Variants in FHIT observed in about 807,000 individuals in gnomAD.
FHIT encodes the protein bis(5'-adenosyl)-triphosphatase.
Under a neutral mutation model 17.9 loss-of-function variants are expected in FHIT, and 19 were observed. That is an observed-to-expected ratio of 1.06 (90% CI 0.74 to 1.56). The LOEUF (loss-of-function observed/expected upper bound fraction) is 1.56. FHIT is among the 40% of genes most tolerant of loss of function. The pLI is 0.00. For missense variants in FHIT, 248 were observed against 189.2 expected (o/e 1.31, Z -1.82); for synonymous variants, 81 against 69.7 (o/e 1.16, Z -0.81).
chr3:60,212,091 C>T (rs1703477969), intron 5 of FHIT, among the ~76,000 whole-genome samples: 1 of 152,168 alleles, frequency 6.6e-6, no homozygotes, highest in South Asian at 2.1e-4. Context: ...TTCTTTCCTA[C>T]CTACTTGTTT....
chr3:60,842,629 G>GTA (rs1254633115), intron 3 of FHIT, among the ~76,000 whole-genome samples: 80 of 85,038 alleles, frequency 9.4e-4, no homozygotes, highest in Middle Eastern at 7.6e-3. Context: ...ATATATGAGT[G>GTA]TATATATATA....
chr3:59,880,037 A>G (rs1166849134), intron 8 of FHIT, among the ~76,000 whole-genome samples: 2 of 152,184 alleles, frequency 1.3e-5, no homozygotes, highest in African/African-American at 4.8e-5. Flanking sequence ...ACAAGATAGA[A>G]AACTTCTGCA....
chr3:61,048,535 G>A (rs1241186345), intron 2 of FHIT, among the ~76,000 whole-genome samples: 1 of 152,210 alleles, frequency 6.6e-6, no homozygotes, highest in Non-Finnish European at 1.5e-5. Context: ...TGGTGGGACT[G>A]TAAACTAGTG....
At chr3:60,872,659 C>T (rs1704462410) in intron 3 of FHIT, among the ~76,000 whole-genome samples, 1 of 152,014 alleles carries the variant, frequency 6.6e-6, no homozygotes, top group East Asian at 1.9e-4. Context: ...CGGCAATTTT[C>T]CTTTTGAAAA....
At chr3:59,867,975 C>A (rs541574936) in intron 8 of FHIT, among the ~76,000 whole-genome samples, 3 of 142,494 alleles carry the variant, frequency 2.1e-5, no homozygotes, top group Non-Finnish European at 3.0e-5. Context: ...TAAAACCCAA[C>A]GTTTTACTCT....
chr3:60,933,124 A>T (rs1307890486), intron 3 of FHIT, among the ~76,000 whole-genome samples: 4 of 152,260 alleles, frequency 2.6e-5, no homozygotes, highest in African/African-American at 9.6e-5. Context: ...CTTATATTTC[A>T]TGACATGAAC....
At chr3:60,606,062 C>G (rs1179905649) in intron 4 of FHIT, among the ~76,000 whole-genome samples, 1 of 152,102 alleles carries the variant, frequency 6.6e-6, no homozygotes, top group Non-Finnish European at 1.5e-5. Context: ...AATTCCTAAT[C>G]TCTCAAGGAT....
chr3:61,151,686 G>C (rs2037397060), intron 2 of FHIT, among the ~76,000 whole-genome samples: 1 of 150,770 alleles, frequency 6.6e-6, no homozygotes, highest in Non-Finnish European at 1.5e-5. Context: ...TGATTCTCCT[G>C]CTTTAGCCAT....
At chr3:60,860,422 T>C (rs62654846) in intron 3 of FHIT, among the ~76,000 whole-genome samples, 3,543 of 134,810 alleles carry the variant, frequency 0.026, 15 homozygotes, top group Non-Finnish European at 0.035. Context: ...CATATGTATA[T>C]ATGATACATA....
At chr3:61,020,979 C>G (rs1450218941) in intron 3 of FHIT, among the ~76,000 whole-genome samples, 2 of 152,102 alleles carry the variant, frequency 1.3e-5, no homozygotes, top group African/African-American at 4.8e-5. Flanking sequence ...ACAAGAAGAG[C>G]TAACTATCCT....
intron 8 of FHIT, among the ~76,000 whole-genome samples, chr3:59,905,694 A>C (rs6764256): frequency 0.095 from 14,385 of 152,192 alleles, 1,237 homozygotes; most frequent in East Asian, 0.37. Context: ...ATAAAGCCAC[A>C]GTGAGTCATC....
intron 3 of FHIT, among the ~76,000 whole-genome samples, chr3:60,860,825 ATACATATGTACATATATCAGG>A (rs1559780486): frequency 0.75 from 9,142 of 12,250 alleles, 4,328 homozygotes; most frequent in South Asian, 0.96. Flanking sequence ...GGTATATATG[ATACATATGTACATATATCAGG>A]TATATATGAA....
At chr3:59,926,433 A>G (rs924596218) in intron 7 of FHIT, among the ~76,000 whole-genome samples, 6 of 152,240 alleles carry the variant, frequency 3.9e-5, no homozygotes, top group Non-Finnish European at 7.3e-5. Context: ...GAAGATAAGT[A>G]AGGAAATGAC....
chr3:59,961,760 CCAGT>C (rs1193644193), intron 7 of FHIT, among the ~76,000 whole-genome samples: 1 of 152,206 alleles, frequency 6.6e-6, no homozygotes, highest in Non-Finnish European at 1.5e-5. Context: ...CTAACCAGTC[CCAGT>C]GAGATGAGCC....
chr3:59,758,483 C>A (rs557782966), intron 8 of FHIT, among the ~76,000 whole-genome samples: 1 of 152,258 alleles, frequency 6.6e-6, no homozygotes, highest in South Asian at 2.1e-4. Context: ...TGCAAAGCTG[C>A]AAACAGCTTT....
At chr3:60,027,716 G>C (rs944491381) in intron 5 of FHIT, among the ~76,000 whole-genome samples, 12 of 109,552 alleles carry the variant, frequency 1.1e-4, no homozygotes, top group Non-Finnish European at 2.1e-4. Flanking sequence ...GTTCCATTTA[G>C]TTTATAAAAA....
At chr3:60,887,844 T>C (rs1470930918) in intron 3 of FHIT, among the ~76,000 whole-genome samples, 2 of 152,156 alleles carry the variant, frequency 1.3e-5, no homozygotes, top group East Asian at 3.9e-4. Flanking sequence ...TTAGCCTGTC[T>C]ATAAGTACTC....
intron 5 of FHIT, among the ~76,000 whole-genome samples, chr3:60,076,876 CG>C (rs1703031506): frequency 4.0e-5 from 6 of 151,476 alleles, no homozygotes; most frequent in Non-Finnish European, 8.8e-5. Context: ...AAGTGAGACA[CG>C]ACTGACTGAA....
intron 4 of FHIT, among the ~76,000 whole-genome samples, chr3:60,684,669 C>A (rs532363107): frequency 6.6e-6 from 1 of 151,998 alleles, no homozygotes; most frequent in South Asian, 2.1e-4. Context: ...AATTCCATTG[C>A]GCATCCGTGA....
Sources: allele counts gnomAD v4.1 joint callset (sites outside exome capture counted in the v4.1 genomes callset), GRCh38; gene constraint gnomAD v4.1.1; transcripts MANE v1.5; gene names NCBI Gene and HGNC (gene_info 2026-07-23, HGNC 2026-07-21).